The following PIN4 variants were observed in gnomAD, a reference collection of about 807,000 sequenced individuals.
PIN4 encodes peptidyl-prolyl cis-trans isomerase NIMA-interacting 4.
Under a neutral mutation model 8.3 loss-of-function variants are expected in PIN4, and 3 were observed. The ratio of observed to expected loss-of-function variants is 0.36; its 90% confidence interval spans 0.16 to 0.93. PIN4 has a LOEUF of 0.93. Among genes scored for constraint, PIN4 ranks in the 40% least tolerant of loss-of-function variants. The pLI is 0.44. For missense variants in PIN4, 75 were observed against 100.6 expected, an observed-to-expected ratio of 0.75 and a Z score of 1.09; for synonymous variants, 18 against 32.5, an observed-to-expected ratio of 0.55 and a Z score of 1.52.
rs759756017 is a variant in PIN4 at position 72,254,719 on chromosome X, C to A, written c.313-7988C>A. On this transcript the variant is annotated intron_variant, in intron 3 of 3. Transcript: ENST00000423432. ...TAATTAGCAAAAAGTCTGATCTATT[C>A]GTGAACTAAGCTCTCCTTGACCTGC... Among the ~76,000 whole-genome samples the A allele has an allele frequency of 4.5e-4, 51 of 112,396 alleles. 1 individual carries two copies. Among genetic ancestry groups the A allele is most frequent in the Non-Finnish European group, 1.1e-4 (6 of 53,326 alleles).
chrX:72,223,411 G>A (rs1438000064), intron 3 of PIN4, among the ~76,000 whole-genome samples: 1 of 105,715 alleles, frequency 9.5e-6, no homozygotes, highest in African/African-American at 3.4e-5. Context: ...GGCCTTTGGA[G>A]ACAGTTTTGC....
At chrX:72,258,401 T>C (rs1047893279) in intron 3 of PIN4, among the ~76,000 whole-genome samples, 1 of 108,708 alleles carries the variant, frequency 9.2e-6, no homozygotes, top group Non-Finnish European at 1.9e-5. Flanking sequence ...AGAACAGGGC[T>C]CCCCCCACAG....
At chrX:72,191,677 A>G (rs2042734891) in intron 2 of PIN4, among the ~76,000 whole-genome samples, 1 of 112,358 alleles carries the variant, frequency 8.9e-6, no homozygotes, top group Non-Finnish European at 1.9e-5. Flanking sequence ...GTACTCATCA[A>G]CTTTTAAATG....
intron 3 of PIN4, among the ~76,000 whole-genome samples, chrX:72,219,522 C>T (rs2042909114): frequency 9.2e-6 from 1 of 108,895 alleles, no homozygotes. Flanking sequence ...CCATTGCACT[C>T]CAGCCTGGAC....
At chrX:72,189,033 T>C (rs142366255) in intron 2 of PIN4, among the ~76,000 whole-genome samples, 2,873 of 111,442 alleles carry the variant, frequency 0.026, 100 homozygotes, top group African/African-American at 0.087. Context: ...GGCATGGTCG[T>C]GTGTGCCTGT....
intron 3 of PIN4, among the ~76,000 whole-genome samples, chrX:72,211,788 TAAAA>T (rs1218078276): frequency 6.1e-5 from 6 of 98,151 alleles, no homozygotes; most frequent in Admixed American, 2.2e-4. Context: ...GTTTCAAAAA[TAAAA>T]AAAAAAAGAA....
chrX:72,198,343 T>TA (rs1366901968), downstream of PIN4: 1 of 732,079 alleles, frequency 1.4e-6, no homozygotes, highest in African/African-American at 2.3e-5. Flanking sequence ...CCAACACAGC[T>TA]ATGTGATTCT....
chrX:72,233,401 T>C lies in PIN4; in HGVS notation c.313-29306T>C, dbSNP rs144729691. Reference sequence around the variant, plus strand: ...GAAACATAAAACCCAAATGAAGTTGTAGACCTTCTTTGGATCCTGATAAAC... The same window carrying C: ...GAAACATAAAACCCAAATGAAGTTGCAGACCTTCTTTGGATCCTGATAAAC... On this transcript the variant is annotated intron_variant, in intron 3 of 3. Coordinates refer to the PIN4 transcript ENST00000423432. Among the ~76,000 whole-genome samples, 600 of 111,726 alleles carry C rather than the reference T, an allele frequency of 5.4e-3. 9 individuals are homozygous for C. Among genetic ancestry groups the C allele is most frequent in the African/African-American group, 0.019 (573 of 30,711 alleles).
At position 72,261,164 on chromosome X, in the gene PIN4, AG is replaced by A. The variant is rs2043137786; in HGVS notation, c.313-1541del. 2.7e-5 allele frequency among the ~76,000 whole-genome samples: 3 copies of A among 110,479 alleles called. No homozygotes were observed. The South Asian group carries it at 1.2e-3, about 43-fold the overall frequency. On this transcript the variant is annotated intron_variant, in intron 3 of 3. Coordinates refer to the PIN4 transcript ENST00000423432. ...AAAAAAATTAGCCGGGCATGGTGGCAGGCACCTGCAATCCCAGCTACTCGGG... is the reference window on the plus strand; with the variant it reads ...AAAAAAATTAGCCGGGCATGGTGGCAGCACCTGCAATCCCAGCTACTCGGG...
intron 3 of PIN4, among the ~76,000 whole-genome samples, chrX:72,217,010 C>T (rs1341119976): frequency 2.7e-5 from 3 of 112,209 alleles, no homozygotes; most frequent in African/African-American, 9.7e-5. Context: ...CTCTAGATGC[C>T]AAAGCACATC....
chrX:72,228,105 A>G (rs1389933923), intron 3 of PIN4, among the ~76,000 whole-genome samples: 2 of 111,954 alleles, frequency 1.8e-5, no homozygotes, highest in Non-Finnish European at 3.8e-5. Flanking sequence ...GCCAATCGGG[A>G]CAAATACAGA....
At chrX:72,243,916 A>C (rs1022994849) in intron 3 of PIN4, among the ~76,000 whole-genome samples, 1 of 112,486 alleles carries the variant, frequency 8.9e-6, no homozygotes, top group African/African-American at 3.2e-5. Flanking sequence ...AATAACTTAC[A>C]CAAGTTTACA....
At chrX:72,251,682 T>C (rs1342250007) in intron 3 of PIN4, among the ~76,000 whole-genome samples, 1 of 110,994 alleles carries the variant, frequency 9.0e-6, no homozygotes, top group Non-Finnish European at 1.9e-5. Flanking sequence ...GAGAGGGGTG[T>C]TTTTTTCGAG....
At chrX:72,251,539 C>T (rs759789941) in intron 3 of PIN4, among the ~76,000 whole-genome samples, 1 of 110,911 alleles carries the variant, frequency 9.0e-6, no homozygotes, top group South Asian at 3.9e-4. Context: ...TTTTCCCCAC[C>T]TTTGCTAACA....
chrX:72,211,007 T>C (rs1039901947), intron 3 of PIN4, among the ~76,000 whole-genome samples: 2 of 112,195 alleles, frequency 1.8e-5, no homozygotes, highest in African/African-American at 6.5e-5. Context: ...TAAATGCTTT[T>C]AATAGCACTG....
downstream of PIN4, among the ~76,000 whole-genome samples, chrX:72,200,114 C>T (rs1185677760): frequency 1.9e-5 from 2 of 105,138 alleles, no homozygotes; most frequent in Non-Finnish European, 3.9e-5. Flanking sequence ...TGCAGTGAGC[C>T]GAGATTGCGC....
chrX:72,240,778 C>T (rs1206886239), intron 3 of PIN4, among the ~76,000 whole-genome samples: 1 of 99,921 alleles, frequency 1.0e-5, no homozygotes, highest in Admixed American at 1.1e-4. Flanking sequence ...CCAGCCTGGG[C>T]GACAGAGCAA....
At position 72,217,911 on chromosome X, in the gene PIN4, T is replaced by C. The variant is rs185995716; in HGVS notation, c.312+21007T>C. On this transcript the variant is annotated intron_variant, in intron 3 of 3. Transcript: ENST00000423432. ...CACTGTCTTGACTACTGTAGCTTTG[T>C]CGTAAGTTTTGAATTTGGGAACTAT... 1.1e-4 allele frequency among the ~76,000 whole-genome samples: 12 copies of C among 111,759 alleles called. No homozygotes were observed. In the East Asian group the frequency reaches 3.4e-3, roughly 32 times the overall value.
intron 3 of PIN4, among the ~76,000 whole-genome samples, chrX:72,233,448 G>T (rs1359371831): frequency 1.8e-5 from 2 of 111,668 alleles, no homozygotes; most frequent in African/African-American, 3.3e-5. Flanking sequence ...TTGAGGCTGG[G>T]CATGGTAGCT....
Sources: gnomAD v4.1 joint callset for allele counts (sites outside exome capture counted in the v4.1 genomes callset) on GRCh38, gnomAD v4.1.1 for gene constraint, MANE v1.5 for transcripts, NCBI Gene and HGNC (gene_info 2026-07-23, HGNC 2026-07-21) for gene names.